Variants in NUTM2G observed in about 807,000 individuals in gnomAD.
The protein encoded by NUTM2G is family with sequence similarity 22, member G.
Under a neutral mutation model 44.3 loss-of-function variants are expected in NUTM2G, and 29 were observed. The observed-to-expected ratio is 0.66, with a 90% CI of 0.49 to 0.89. NUTM2G has a LOEUF of 0.89. NUTM2G is among the 40% of genes least tolerant of loss of function. The pLI, the probability that NUTM2G is intolerant of heterozygous loss-of-function variation, is 0.00. For missense variants in NUTM2G, 502 were observed against 946.5 expected (o/e 0.53, Z 6.16); for synonymous variants, 205 against 395.9 (o/e 0.52, Z 5.72).
At chr9:96,933,332 G>A (rs567350282) in intron 2 of NUTM2G, among the ~76,000 whole-genome samples, 96 of 151,494 alleles carry the variant, frequency 6.3e-4, no homozygotes, top group Non-Finnish European at 1.2e-3. Flanking sequence ...GTCAGAGAGG[G>A]TTCTTGGTGT....
intron 1 of NUTM2G, among the ~76,000 whole-genome samples, chr9:96,930,523 CAA>C (rs557379276): frequency 2.9e-4 from 18 of 61,586 alleles, no homozygotes; most frequent in South Asian, 5.3e-4. Context: ...GACTCCGTCT[CAA>C]AAAAAAAAAA....
At chr9:96,933,231 GCCT>G (rs1826327219) in intron 2 of NUTM2G, among the ~76,000 whole-genome samples, 1 of 151,618 alleles carries the variant, frequency 6.6e-6, no homozygotes, top group Non-Finnish European at 1.5e-5. Context: ...TCCCGCCTCG[GCCT>G]CCCAAAGTGC....
intron 3 of NUTM2G, 147 bp from the exon 4 acceptor site, chr9:96,936,278 C>T: frequency 7.0e-7 from 1 of 1,434,096 alleles, no homozygotes. Flanking sequence ...GAGCAGCTCC[C>T]TCCTGGGACT....
Position 96,936,300 on chromosome 9 carries a change from C to T in NUTM2G, c.843-125C>T, listed in dbSNP as rs575179940. 3.3e-6 allele frequency: 5 copies of T among 1,510,632 alleles called. No homozygotes were observed. In the South Asian group the frequency reaches 4.9e-5, roughly 15 times the overall value. The allele number at this position is 1,510,632 out of a possible 1,614,324, so 93.6% of individuals were successfully genotyped here. A position where few individuals can be genotyped will look rare whatever the true frequency, so the allele number is the denominator to read the frequency against. ...TCCCTCCTGGGACTGGGGGATGGGT[C>T]CCAGTGAGGGCCTAGACAGCCCGCC... On this transcript the variant is annotated intron_variant, in intron 3 of 6. Coordinates refer to ENST00000372322, the MANE Select transcript of NUTM2G (RefSeq NM_001170741.3).
chr9:96,941,055 CT>C (rs1334027787), downstream of NUTM2G, among the ~76,000 whole-genome samples: 2 of 150,788 alleles, frequency 1.3e-5, no homozygotes, highest in Non-Finnish European at 2.9e-5. Context: ...AACACCTCCC[CT>C]TTGCAGGGTT....
In NUTM2G at chr9:96,937,992, C is replaced by T. The variant is rs745884355; in HGVS notation, c.1431C>T (p.Thr477=). ...SQELEQEEGL[T]LAQLVEKRLL... Reference sequence around the variant, plus strand: ...AGCTGGAGCAGGAGGAAGGACTCACCCTTGCCCAGGTAGAGCAGCAGAGGG... The same window carrying T: ...AGCTGGAGCAGGAGGAAGGACTCACTCTTGCCCAGGTAGAGCAGCAGAGGG... Residue 477 remains threonine, a synonymous_variant, in exon 6 of 7, where the codon ACC becomes ACT. Coordinates refer to ENST00000372322, the MANE Select transcript of NUTM2G (RefSeq NM_001170741.3). 7 of 1,612,328 alleles carry T rather than the reference C, an allele frequency of 4.3e-6. No homozygotes were observed. The Admixed American group carries it at 1.0e-4, about 23-fold the overall frequency.
chr9:96,937,853 G>A (rs1293166305), intron 5 of NUTM2G, 32 bp from the exon 6 acceptor site: 1 of 1,604,234 alleles, frequency 6.2e-7, no homozygotes, highest in African/African-American at 1.3e-5. Flanking sequence ...TCCCTCCCCA[G>A]GAAGTTCACA....
At chr9:96,942,880 A>G (rs1327346239), downstream of NUTM2G, 1 of 151,066 alleles carries the variant, frequency 6.6e-6, no homozygotes, top group Non-Finnish European at 1.5e-5. Flanking sequence ...AAATCCCTTC[A>G]TCCCCTTGCC....
At chr9:96,935,947 A>AAG (rs1826417824) in intron 3 of NUTM2G, among the ~76,000 whole-genome samples, 1 of 150,158 alleles carries the variant, frequency 6.7e-6, no homozygotes, top group Admixed American at 6.7e-5. Context: ...ACCGTCCGTG[A>AAG]AGACAGACAG....
At chr9:96,935,305 G>A (rs748741594) in intron 2 of NUTM2G, 23 bp from the exon 3 acceptor site, 10 of 1,611,896 alleles carry the variant, frequency 6.2e-6, no homozygotes, top group Non-Finnish European at 8.5e-6. Context: ...TTACAGACTG[G>A]GACTGACTGC....
chr9:96,929,161 C>T, intron 1 of NUTM2G, 121 bp downstream of exon 1: 1 of 1,536,732 alleles, frequency 6.5e-7, no homozygotes, highest in Non-Finnish European at 9.0e-7. Flanking sequence ...ACTGGATGTC[C>T]CCAAGGACAT....
At chr9:96,940,647 G>A (rs1303186409), downstream of NUTM2G, among the ~76,000 whole-genome samples, 1 of 152,124 alleles carries the variant, frequency 6.6e-6, no homozygotes, top group Admixed American at 6.5e-5. Context: ...ACTGGTCCCA[G>A]CACTGCCTGC....
Position 96,938,650 on chromosome 9 carries a change from G to T in NUTM2G, c.1727G>T (p.Arg576Leu). 1 of 1,603,234 alleles carries T rather than the reference G, an allele frequency of 6.2e-7. No individual in the cohort carries two copies. The highest frequency in any genetic ancestry group is 8.5e-7 in the Non-Finnish European group (1 of 1,179,442). ...GACTCCCCCAGGCTGAAGGCTGTCC[G>T]GCCAACCTCTCCTCCCCAGGACCAC... ...CQDSPRLKAV[R>L]PTSPPQDHRP... The change falls in exon 7 of 7, where the codon CGG becomes CTG. Residue 576 changes from arginine (R) to leucine (L), a missense_variant. Physicochemically the swap from Arg to Leu is moderately radical, Grantham distance 102. Transcript: ENST00000372322.
rs199548556 is a variant in NUTM2G, at chr9:96,935,353, C to A, written c.739C>A (p.Arg247=). 108 of 1,611,904 alleles carry A rather than the reference C, an allele frequency of 6.7e-5. No individual in the cohort carries two copies. The highest frequency in any genetic ancestry group is 8.7e-5 in the Non-Finnish European group (103 of 1,179,866). ...CCCAGTTCTCCGATCCCTGGCCCGG[C>A]GGAAGCCCACCATGACGCTGGAGGA... The part of the protein sequence containing the change: ...LIPVLRSLAR[R]KPTMTLEEGL... The change falls in exon 3 of 7, where the codon CGG becomes AGG. Residue 247 remains arginine, a synonymous_variant. Coordinates refer to ENST00000372322, the MANE Select transcript of NUTM2G (RefSeq NM_001170741.3).
intron 3 of NUTM2G, 31 bp downstream of exon 3, chr9:96,935,487 T>C (rs765794937): frequency 6.2e-7 from 1 of 1,611,698 alleles, no homozygotes; most frequent in South Asian, 1.1e-5. Flanking sequence ...GCAGGGCCCG[T>C]GTGGCGGGGT....
At chr9:96,931,382 G>A (rs1275232456) in intron 1 of NUTM2G, among the ~76,000 whole-genome samples, 3 of 151,190 alleles carry the variant, frequency 2.0e-5, no homozygotes, top group Non-Finnish European at 4.4e-5. Context: ...GAGCCACCAA[G>A]CCACCGAGAG....
At chr9:96,934,367 C>T (rs1826363270) in intron 2 of NUTM2G, among the ~76,000 whole-genome samples, 1 of 152,060 alleles carries the variant, frequency 6.6e-6, no homozygotes, top group South Asian at 2.1e-4. Flanking sequence ...GCGGTCCCGT[C>T]TTCCTCCCCA....
At chr9:96,935,279 G>C in intron 2 of NUTM2G, 49 bp from the exon 3 acceptor site, 3 of 1,610,952 alleles carry the variant, frequency 1.9e-6, no homozygotes, top group Non-Finnish European at 2.5e-6. Context: ...AGGTGGGCCC[G>C]GGATGGAGGG....
rs201339324 is a variant in NUTM2G, at chr9:96,937,893, C to T, written c.1332C>T (p.Ala444=). 11 of 1,610,978 alleles carry T rather than the reference C, an allele frequency of 6.8e-6. No homozygotes were observed. The highest frequency in any genetic ancestry group is 3.3e-5 in the Admixed American group (2 of 59,958). Residue 444 remains alanine, a synonymous_variant, in exon 6 of 7, where the codon GCC becomes GCT. Transcript: ENST00000372322. Reference sequence around the variant, plus strand: ...CTTCCTTCTGTTTCCAGGTGGAGGCCGTCATTCACCCCCGATTCCTGGAAG... The same window carrying T: ...CTTCCTTCTGTTTCCAGGTGGAGGCTGTCATTCACCCCCGATTCCTGGAAG... ...SQEDFVTKVE[A]VIHPRFLEEL...
Sources: gnomAD v4.1 joint callset for allele counts (sites outside exome capture counted in the v4.1 genomes callset) on GRCh38, gnomAD v4.1.1 for gene constraint, MANE v1.5 for transcripts, NCBI Gene and HGNC (gene_info 2026-07-23, HGNC 2026-07-21) for gene names.